XRCC4: variants seen among roughly 807,000 people sequenced by gnomAD.
XRCC4 encodes DNA repair protein XRCC4.
Under a neutral mutation model 39.1 loss-of-function variants are expected in XRCC4, and 28 were observed. That is an observed-to-expected ratio of 0.72 (90% CI 0.53 to 0.98). The LOEUF is 0.98. XRCC4 is among the 50% of genes least tolerant of loss of function. The pLI is 0.00. For synonymous variants in XRCC4, 123 were observed against 126.4 expected, an observed-to-expected ratio of 0.97 and a Z score of 0.18; for missense variants, 350 against 376.4, an observed-to-expected ratio of 0.93 and a Z score of 0.58.
At chr5:83,239,891 C>T (rs544401712) in intron 6 of XRCC4, among the ~76,000 whole-genome samples, 13 of 151,684 alleles carry the variant, frequency 8.6e-5, no homozygotes, top group South Asian at 2.1e-4. Flanking sequence ...GGTGTGGTGA[C>T]GCATACCTAT....
rs1213838419 is a variant in XRCC4 at position 83,192,251 on chromosome 5, T to C, written c.316-3519T>C. On this transcript the variant is annotated intron_variant, in intron 3 of 7. Coordinates refer to ENST00000396027, the MANE Select transcript of XRCC4 (RefSeq NM_003401.5). ...TATATGTATGTATATGTACATATTA[T>C]ATATACGTATACATATGTATACATA... 2.8e-5 allele frequency among the ~76,000 whole-genome samples: 4 copies of C among 141,344 alleles called. No individual in the cohort carries two copies. In the East Asian group the frequency reaches 5.8e-4, roughly 21 times the overall value. 92.7% of individuals were successfully genotyped at this position (141,344 alleles called of 152,430 possible).
At chr5:83,213,933 C>T (rs945717071) in intron 6 of XRCC4, among the ~76,000 whole-genome samples, 2 of 152,152 alleles carry the variant, frequency 1.3e-5, no homozygotes, top group African/African-American at 4.8e-5. Context: ...AAGTATTTCA[C>T]AATGATAAAA....
chr5:83,364,684 C>T, the XRCC4 span, among the ~76,000 whole-genome samples: 8 of 152,288 alleles, frequency 5.3e-5, no homozygotes, highest in Admixed American at 5.2e-4. Flanking sequence ...AAGAGGACAC[C>T]TACAGCAGCC....
In XRCC4 at chr5:83,268,582, C is replaced by A. The variant is rs186505138; in HGVS notation, c.893+9905C>A. ...GAAGGTGTATTGTAGCCTCTGAAAA[C>A]CTTCCTTGTCATAGAGGTTCTTGTT... On this transcript the variant is annotated intron_variant, in intron 7 of 7. Transcript: ENST00000396027. Among the ~76,000 whole-genome samples the A allele has an allele frequency of 4.0e-4, 61 of 152,226 alleles. No homozygotes were observed. The East Asian group carries it at 0.011, about 27-fold the overall frequency.
rs3777020 is a variant in XRCC4, at chr5:83,330,884, A to G, written c.894-22247A>G. 1.2e-3 allele frequency among the ~76,000 whole-genome samples: 188 copies of G among 151,988 alleles called. 4 individuals carry two copies. In the East Asian group the frequency reaches 0.02, roughly 17 times the overall value. ...GACATAGCAAGATCTATCTGTCAGG[A>G]CATTTTTTTGACTAACATAGGCAAA... On this transcript the variant is annotated intron_variant, in intron 7 of 7. Transcript: ENST00000396027.
At position 83,082,416 on chromosome 5, in the gene XRCC4, C is replaced by T. The variant is rs141073835; in HGVS notation, c.-11+4801C>T. 5.1e-3 allele frequency among the ~76,000 whole-genome samples: 780 copies of T among 152,172 alleles called. 4 individuals are homozygous for T. Among genetic ancestry groups the T allele is most frequent in the Admixed American group, 0.012 (191 of 15,292 alleles). On this transcript the variant is annotated intron_variant, in intron 1 of 7. Coordinates refer to ENST00000396027, the MANE Select transcript of XRCC4 (RefSeq NM_003401.5). Reference sequence around the variant, plus strand: ...TGGTTTCCTGGTTTTGATAAATGCACCGTGGTAGTATAAGATGTTAATATT... The same window carrying T: ...TGGTTTCCTGGTTTTGATAAATGCATCGTGGTAGTATAAGATGTTAATATT...
intron 3 of XRCC4, among the ~76,000 whole-genome samples, chr5:83,121,185 TTCACCA>T (rs1746992546): frequency 1.3e-5 from 2 of 152,224 alleles, no homozygotes; most frequent in Non-Finnish European, 2.9e-5. Flanking sequence ...TGTTTATGCA[TTCACCA>T]GTTGGTGGAC....
At chr5:83,300,381 T>C (rs766670196) in intron 7 of XRCC4, among the ~76,000 whole-genome samples, 10 of 152,166 alleles carry the variant, frequency 6.6e-5, no homozygotes, top group Non-Finnish European at 1.0e-4. Flanking sequence ...GCAGGAGATA[T>C]TAGCTGAACA....
At chr5:83,155,864 A>G (rs568917961) in intron 3 of XRCC4, among the ~76,000 whole-genome samples, 2 of 152,166 alleles carry the variant, frequency 1.3e-5, no homozygotes, top group East Asian at 1.9e-4. Flanking sequence ...GTCTAAACCT[A>G]TCGTTATTTT....
intron 7 of XRCC4, among the ~76,000 whole-genome samples, chr5:83,297,779 C>A (rs1755145307): frequency 6.6e-6 from 1 of 151,746 alleles, no homozygotes; most frequent in Non-Finnish European, 1.5e-5. Flanking sequence ...GAAGATATGT[C>A]TTTTCATGCA....
chr5:83,170,535 A>G (rs1475007877), intron 3 of XRCC4, among the ~76,000 whole-genome samples: 2 of 152,168 alleles, frequency 1.3e-5, no homozygotes, highest in African/African-American at 2.4e-5. Context: ...CCAAGCTCAC[A>G]TAATTGTTGG....
chr5:83,237,467 A>G (rs1752733926), intron 6 of XRCC4, among the ~76,000 whole-genome samples: 1 of 152,132 alleles, frequency 6.6e-6, no homozygotes, highest in Non-Finnish European at 1.5e-5. Flanking sequence ...GCACAGAAAG[A>G]CAAATACTGC....
Position 83,185,080 on chromosome 5 carries a change from G to A in XRCC4, c.316-10690G>A, listed in dbSNP as rs180967892. On this transcript the variant is annotated intron_variant, in intron 3 of 7. Coordinates refer to ENST00000396027, the MANE Select transcript of XRCC4 (RefSeq NM_003401.5). ...TATAATTGTTTTGATACGACCAAGG[G>A]ATAAAAAAAGAATAATAAAAGACTG... Among the ~76,000 whole-genome samples, 438 of 151,738 alleles carry A rather than the reference G, an allele frequency of 2.9e-3. 11 individuals carry two copies. The East Asian group carries it at 0.073, about 25-fold the overall frequency.
chr5:83,200,186 T>G (rs1199815727), intron 4 of XRCC4, among the ~76,000 whole-genome samples: 2 of 152,200 alleles, frequency 1.3e-5, no homozygotes, highest in Non-Finnish European at 2.9e-5. Context: ...ACCTCTTAGT[T>G]ACTGATTATT....
intron 3 of XRCC4, among the ~76,000 whole-genome samples, chr5:83,174,799 T>C (rs1749877697): frequency 1.3e-5 from 2 of 152,236 alleles, no homozygotes; most frequent in Admixed American, 6.5e-5. Flanking sequence ...ATTTTAGTAC[T>C]GCAATAGTTC....
intron 3 of XRCC4, among the ~76,000 whole-genome samples, chr5:83,174,038 C>T (rs1265668498): frequency 6.6e-6 from 1 of 152,122 alleles, no homozygotes; most frequent in African/African-American, 2.4e-5. Flanking sequence ...CATGTTTACT[C>T]GGTTTAAAAA....
At chr5:83,267,154 A>G (rs1753984609) in intron 7 of XRCC4, among the ~76,000 whole-genome samples, 1 of 152,208 alleles carries the variant, frequency 6.6e-6, no homozygotes, top group Non-Finnish European at 1.5e-5. Context: ...GGATAAAATC[A>G]GAGAAGACTG....
At chr5:83,133,481 C>G (rs1747712144) in intron 3 of XRCC4, among the ~76,000 whole-genome samples, 1 of 152,166 alleles carries the variant, frequency 6.6e-6, no homozygotes, top group African/African-American at 2.4e-5. Flanking sequence ...GGCCCTGCCC[C>G]CAAAGGTGGA....
intron 3 of XRCC4, among the ~76,000 whole-genome samples, chr5:83,192,761 C>CA (rs373043891): frequency 5.9e-4 from 89 of 152,116 alleles, no homozygotes; most frequent in African/African-American, 2.1e-3. Flanking sequence ...GAACTAACTA[C>CA]AAAAAAACTC....
Sources: allele counts gnomAD v4.1 joint callset (sites outside exome capture counted in the v4.1 genomes callset), GRCh38; gene constraint gnomAD v4.1.1; transcripts MANE v1.5; gene names NCBI Gene and HGNC (gene_info 2026-07-23, HGNC 2026-07-21).